Variants in PSIP1 observed in about 807,000 individuals in gnomAD.
The protein encoded by PSIP1 is PC4 and SFRS1-interacting protein.
PSIP1 carries 19 observed loss-of-function variants against 74.7 expected under a neutral mutation model. The observed-to-expected ratio is 0.25, with a 90% CI of 0.18 to 0.37. The LOEUF (loss-of-function observed/expected upper bound fraction) is 0.37, where lower values mean the gene tolerates loss of function less well. Among genes scored for constraint, PSIP1 ranks in the 10% least tolerant of loss-of-function variants. The pLI, the probability that PSIP1 is intolerant of heterozygous loss-of-function variation, is 1.00. For missense variants in PSIP1, 601 were observed against 614.3 expected, an observed-to-expected ratio of 0.98 and a Z score of 0.23; for synonymous variants, 222 against 195.3, an observed-to-expected ratio of 1.14 and a Z score of -1.14.
intron 3 of PSIP1, among the ~76,000 whole-genome samples, chr9:15,500,881 C>G (rs1002806929): frequency 1.3e-5 from 2 of 152,100 alleles, no homozygotes; most frequent in Non-Finnish European, 2.9e-5. Flanking sequence ...AATTAGTCAC[C>G]AAAACTCAAA....
At chr9:15,483,994 G>C (rs536851916) in intron 6 of PSIP1, among the ~76,000 whole-genome samples, 2 of 151,720 alleles carry the variant, frequency 1.3e-5, no homozygotes, top group African/African-American at 4.8e-5. Flanking sequence ...CAGGCGTGGT[G>C]GTGCACGTCT....
chr9:15,510,022 G>C (rs1240847124), intron 2 of PSIP1, 95 bp downstream of exon 2: 1 of 1,283,798 alleles, frequency 7.8e-7, no homozygotes, highest in Non-Finnish European at 1.1e-6. Flanking sequence ...GCGAGGGAGA[G>C]AAAGGACAGA....
intron 2 of PSIP1, among the ~76,000 whole-genome samples, chr9:15,507,914 T>C (rs1447455583): frequency 6.6e-6 from 1 of 152,206 alleles, no homozygotes; most frequent in African/African-American, 2.4e-5. Context: ...ACTTATATGA[T>C]GAAGATCACA....
intron 9 of PSIP1, 104 bp downstream of exon 9, chr9:15,473,904 CA>C (rs372363481): frequency 2.2e-3 from 1,405 of 650,356 alleles, no homozygotes; most frequent in South Asian, 2.7e-3. Context: ...CCATCTCAAA[CA>C]AAAAAAAAAC....
intron 2 of PSIP1, among the ~76,000 whole-genome samples, chr9:15,507,870 T>C (rs2037670474): frequency 6.6e-6 from 1 of 152,124 alleles, no homozygotes; most frequent in African/African-American, 2.4e-5. Flanking sequence ...AACAGAATCA[T>C]TACCACCCAA....
chr9:15,510,069 T>C (rs1563905900), intron 2 of PSIP1, 48 bp downstream of exon 2: 1 of 1,542,270 alleles, frequency 6.5e-7, no homozygotes, highest in East Asian at 2.4e-5. Context: ...AGCAGGCCTC[T>C]GGAGAGGAGG....
At chr9:15,477,077 G>A (rs951938631) in intron 8 of PSIP1, among the ~76,000 whole-genome samples, 2 of 152,186 alleles carry the variant, frequency 1.3e-5, no homozygotes, top group Non-Finnish European at 2.9e-5. Flanking sequence ...ATCCAAAACA[G>A]AGGGATCTCA....
intron 9 of PSIP1, 116 bp from the exon 10 acceptor site, chr9:15,472,866 A>C: frequency 1.1e-6 from 1 of 916,162 alleles, no homozygotes; most frequent in South Asian, 1.5e-5. Flanking sequence ...ATGAATACTC[A>C]AATTAGCAAC....
At chr9:15,479,997 T>A (rs988729840) in intron 6 of PSIP1, among the ~76,000 whole-genome samples, 1 of 152,232 alleles carries the variant, frequency 6.6e-6, no homozygotes, top group South Asian at 2.1e-4. Flanking sequence ...AACACAATGT[T>A]ATTTCTAATT....
intron 2 of PSIP1, 106 bp from the exon 3 acceptor site, chr9:15,506,743 G>C: frequency 1.2e-6 from 1 of 832,270 alleles, no homozygotes; most frequent in East Asian, 2.8e-5. Context: ...TTATAAAATG[G>C]GCCAGTTCTG....
intron 2 of PSIP1, 111 bp from the exon 3 acceptor site, chr9:15,506,748 G>T: frequency 1.3e-6 from 1 of 764,644 alleles, no homozygotes; most frequent in Non-Finnish European, 2.0e-6. Context: ...AAATGGGCCA[G>T]TTCTGCAGGC....
intron 1 of PSIP1, 66 bp from the exon 2 acceptor site, chr9:15,510,395 G>GGGGGCC: frequency 3.1e-6 from 1 of 325,940 alleles, no homozygotes; most frequent in Non-Finnish European, 5.7e-6. Context: ...AGGGGAGGGG[G>GGGGGCC]AGGGGAACCG....
At chr9:15,477,918 G>A (rs976473438) in intron 8 of PSIP1, among the ~76,000 whole-genome samples, 1 of 151,694 alleles carries the variant, frequency 6.6e-6, no homozygotes, top group African/African-American at 2.4e-5. Flanking sequence ...TGGGAGAATC[G>A]TTTGAGCCCA....
rs2035522717 is a variant in PSIP1, at chr9:15,465,075, ACTT to A, written c.*442_*444del. 1 of 227,288 alleles carries A rather than the reference ACTT, an allele frequency of 4.4e-6. No homozygotes were observed. The highest frequency in any genetic ancestry group is 8.7e-6 in the Non-Finnish European group (1 of 114,370). 14.1% of individuals were successfully genotyped at this position (227,288 alleles called of 1,614,324 possible). The stretch of plus-strand genomic sequence containing the variant: ...ATTTTATCTACCATAAAAATGTGTA[ACTT>A]CTACAAAACCCACAAACAGTGAAAA... On this transcript the variant is annotated 3_prime_UTR_variant, in exon 16 of 16. Coordinates refer to ENST00000380733, the MANE Select transcript of PSIP1 (RefSeq NM_033222.5).
chr9:15,491,733 GAAGA>G (rs2036841494), intron 3 of PSIP1, among the ~76,000 whole-genome samples: 1 of 152,204 alleles, frequency 6.6e-6, no homozygotes, highest in Non-Finnish European at 1.5e-5. Flanking sequence ...ACGCTGCTAT[GAAGA>G]AATACCAGAG....
At chr9:15,509,077 G>A (rs925434016) in intron 2 of PSIP1, among the ~76,000 whole-genome samples, 11 of 152,194 alleles carry the variant, frequency 7.2e-5, no homozygotes, top group Non-Finnish European at 1.5e-4. Flanking sequence ...TCAGCTCCTA[G>A]ACAGGACTCC....
Position 15,489,966 on chromosome 9 carries a change from T to G in PSIP1, c.288+20A>C, listed in dbSNP as rs1411077633. 5 of 1,511,140 alleles carry G rather than the reference T, an allele frequency of 3.3e-6. No individual in the cohort carries two copies. Among genetic ancestry groups the G allele is most frequent in the Non-Finnish European group, 4.5e-6 (5 of 1,121,836 alleles). The allele number at this position is 1,511,140 out of a possible 1,614,324, so 93.6% of individuals were successfully genotyped here. A position where few individuals can be genotyped will look rare whatever the true frequency, so the allele number is the denominator to read the frequency against. ...CCAGGATTAAATAAGTAATATCAAA[T>G]TTTATGTAATATGACTTACCTGTTG... On this transcript the variant is annotated intron_variant, in intron 4 of 15. Coordinates refer to ENST00000380733, the MANE Select transcript of PSIP1 (RefSeq NM_033222.5).
intron 12 of PSIP1, 35 bp downstream of exon 12, chr9:15,469,231 C>T: frequency 7.3e-7 from 1 of 1,370,970 alleles, no homozygotes; most frequent in Non-Finnish European, 1.0e-6. Context: ...GCTATAAATG[C>T]AGTACTGAAG....
At chr9:15,488,822 C>T (rs541708055) in intron 4 of PSIP1, among the ~76,000 whole-genome samples, 66 of 152,176 alleles carry the variant, frequency 4.3e-4, no homozygotes, top group Middle Eastern at 3.4e-3. Context: ...GAGATCGAGA[C>T]CATCCTGGCT....
Sources: gnomAD v4.1 joint callset for allele counts (sites outside exome capture counted in the v4.1 genomes callset) on GRCh38, gnomAD v4.1.1 for gene constraint, MANE v1.5 for transcripts, NCBI Gene and HGNC (gene_info 2026-07-23, HGNC 2026-07-21) for gene names.